Variants in EPHB1 observed in about 807,000 individuals in gnomAD.
EPHB1 encodes the protein ephrin type-B receptor 1.
Under a neutral mutation model 94.4 loss-of-function variants are expected in EPHB1, and 30 were observed. The ratio of observed to expected loss-of-function variants is 0.32; its 90% CI spans 0.24 to 0.43. EPHB1 has a LOEUF of 0.43. Among genes scored for constraint, EPHB1 ranks in the 20% least tolerant of loss-of-function variants. The pLI, the probability that EPHB1 is intolerant of heterozygous loss-of-function variation, is 1.00. For missense variants in EPHB1, 1,055 were observed against 1,308.3 expected (o/e 0.81, Z 2.99); for synonymous variants, 522 against 489.1 (o/e 1.07, Z -0.89).
rs183131328 is a variant in EPHB1 at position 134,984,463 on chromosome 3, G to A, written c.805+32411G>A. Among the ~76,000 whole-genome samples, 4 of 152,356 alleles carry A rather than the reference G, an allele frequency of 2.6e-5. No individual in the cohort carries two copies. In the East Asian group the frequency reaches 7.7e-4, roughly 29 times the overall value. On this transcript the variant is annotated intron_variant, in intron 3 of 15. Coordinates refer to ENST00000398015, the MANE Select transcript of EPHB1 (RefSeq NM_004441.5). ...AAGGAAGAATAAAAGCCAGGATGTG[G>A]CTGGGACAACATCAGAACAAACAGA...
chr3:135,256,935 T>G (rs1363186147), intron 15 of EPHB1, among the ~76,000 whole-genome samples: 1 of 146,266 alleles, frequency 6.8e-6, no homozygotes. Context: ...CTTTTTTCTC[T>G]AAACTTCCCT....
chr3:135,015,500 C>G (rs1172797761), intron 3 of EPHB1, among the ~76,000 whole-genome samples: 2 of 152,170 alleles, frequency 1.3e-5, no homozygotes, highest in African/African-American at 4.8e-5. Flanking sequence ...CCTCTGCCTC[C>G]CAAAGTGCTG....
At chr3:135,079,781 G>A (rs1237828894) in intron 3 of EPHB1, among the ~76,000 whole-genome samples, 1 of 152,108 alleles carries the variant, frequency 6.6e-6, no homozygotes, top group African/African-American at 2.4e-5. Context: ...AGGCACTGCA[G>A]AGGAATCCAG....
At chr3:134,926,293 A>G (rs532917563) in intron 2 of EPHB1, among the ~76,000 whole-genome samples, 16 of 152,318 alleles carry the variant, frequency 1.1e-4, no homozygotes, top group Middle Eastern at 3.4e-3. Context: ...AGAGACATTA[A>G]TGATTTATTT....
intron 3 of EPHB1, among the ~76,000 whole-genome samples, chr3:134,987,359 C>T (rs944791999): frequency 2.0e-5 from 3 of 152,112 alleles, no homozygotes; most frequent in African/African-American, 4.8e-5. Flanking sequence ...GTTATAAAAC[C>T]TTTAAGGAGA....
chr3:135,159,515 G>A (rs373008731), intron 6 of EPHB1, among the ~76,000 whole-genome samples: 73 of 152,338 alleles, frequency 4.8e-4, no homozygotes, highest in African/African-American at 1.7e-3. Context: ...TTATTTGCAA[G>A]GTGACTTGGT....
intron 3 of EPHB1, among the ~76,000 whole-genome samples, chr3:135,078,931 A>G (rs1254953022): frequency 1.3e-5 from 2 of 152,094 alleles, no homozygotes; most frequent in South Asian, 2.1e-4. Context: ...TGGTTTCTAT[A>G]ACTGTAGTAA....
At chr3:134,962,897 C>A (rs1933577375) in intron 3 of EPHB1, among the ~76,000 whole-genome samples, 2 of 152,096 alleles carry the variant, frequency 1.3e-5, no homozygotes, top group South Asian at 4.1e-4. Context: ...AGGTGTCTAC[C>A]CTCTACTGGA....
intron 3 of EPHB1, among the ~76,000 whole-genome samples, chr3:135,055,120 A>T (rs76128659): frequency 0.019 from 2,912 of 152,306 alleles, 95 homozygotes; most frequent in African/African-American, 0.066. Context: ...TTTTGATATT[A>T]AAAAAATCAA....
At chr3:135,244,977 C>A (rs1205597549) in intron 13 of EPHB1, among the ~76,000 whole-genome samples, 1 of 152,118 alleles carries the variant, frequency 6.6e-6, no homozygotes, top group East Asian at 1.9e-4. Context: ...CAAGAAGTAA[C>A]AAATGGAGTA....
At chr3:134,917,089 A>G (rs897730789) in intron 1 of EPHB1, among the ~76,000 whole-genome samples, 2 of 152,236 alleles carry the variant, frequency 1.3e-5, no homozygotes, top group East Asian at 1.9e-4. Flanking sequence ...CATACACACT[A>G]CTAAGCCACT....
intron 3 of EPHB1, among the ~76,000 whole-genome samples, chr3:134,984,659 G>A (rs1030191437): frequency 6.6e-6 from 1 of 152,142 alleles, no homozygotes; most frequent in African/African-American, 2.4e-5. Flanking sequence ...AGAGGGAAGG[G>A]CCCTCATTTG....
chr3:135,249,623 T>C (rs4243397), intron 15 of EPHB1, 132 bp downstream of exon 15: 1,038,295 of 1,049,240 alleles, frequency 0.99, 514,172 homozygotes, highest in East Asian at 1. Flanking sequence ...CAGGCCTGGA[T>C]GGGGAGCACC....
intron 3 of EPHB1, among the ~76,000 whole-genome samples, chr3:135,015,402 A>C (rs1423286728): frequency 1.3e-5 from 2 of 152,028 alleles, no homozygotes; most frequent in Non-Finnish European, 2.9e-5. Flanking sequence ...CACCACACCC[A>C]GCTAATTTTT....
chr3:135,113,169 G>A (rs930156852), intron 4 of EPHB1, among the ~76,000 whole-genome samples: 7 of 152,166 alleles, frequency 4.6e-5, no homozygotes, highest in East Asian at 1.9e-4. Context: ...GCTGGCCCCC[G>A]CCCCATGCTG....
At chr3:135,187,404 C>T (rs1189924019) in intron 10 of EPHB1, among the ~76,000 whole-genome samples, 1 of 152,092 alleles carries the variant, frequency 6.6e-6, no homozygotes, top group African/African-American at 2.4e-5. Context: ...TGATTTGGAG[C>T]TCAAGTAAAA....
chr3:135,051,203 A>G (rs1160824830), intron 3 of EPHB1, among the ~76,000 whole-genome samples: 1 of 152,176 alleles, frequency 6.6e-6, no homozygotes, highest in African/African-American at 2.4e-5. Flanking sequence ...ATGATATCTA[A>G]GAGTCCTTCT....
intron 13 of EPHB1, among the ~76,000 whole-genome samples, chr3:135,243,353 A>G (rs1002300769): frequency 6.6e-6 from 1 of 152,214 alleles, no homozygotes; most frequent in Non-Finnish European, 1.5e-5. Flanking sequence ...AGAAGGTTTT[A>G]CAGTCCGGTG....
At chr3:134,855,389 G>T (rs993873458) in intron 1 of EPHB1, among the ~76,000 whole-genome samples, 5 of 152,186 alleles carry the variant, frequency 3.3e-5, no homozygotes, top group Non-Finnish European at 7.4e-5. Flanking sequence ...CCTTGAGGGG[G>T]TTTCAGACAC....
Sources: gnomAD v4.1 joint callset for allele counts (sites outside exome capture counted in the v4.1 genomes callset) on GRCh38, gnomAD v4.1.1 for gene constraint, MANE v1.5 for transcripts, NCBI Gene and HGNC (gene_info 2026-07-23, HGNC 2026-07-21) for gene names.